FLVCR2: variants seen among roughly 807,000 people sequenced by gnomAD.
FLVCR2 encodes the protein choline/ethanolamine transporter FLVCR2.
Under a neutral mutation model 48.9 loss-of-function variants are expected in FLVCR2, and 38 were observed. The ratio of observed to expected loss-of-function variants is 0.78; its 90% CI spans 0.60 to 1.02. FLVCR2 has a LOEUF of 1.02. Ranked by LOEUF, FLVCR2 falls within the 50% of genes least tolerant of loss-of-function variation. The pLI is 0.00. For missense variants in FLVCR2, 664 were observed against 663.3 expected (o/e 1.00, Z -0.01); for synonymous variants, 255 against 257.0 (o/e 0.99, Z 0.07).
At chr14:75,608,435 C>A (rs1280621565) in intron 1 of FLVCR2, among the ~76,000 whole-genome samples, 1 of 152,156 alleles carries the variant, frequency 6.6e-6, no homozygotes, top group Non-Finnish European at 1.5e-5. Context: ...AGGAGTGGCA[C>A]GATGCAACGT....
intron 2 of FLVCR2, among the ~76,000 whole-genome samples, chr14:75,623,187 G>A (rs542802456): frequency 1.6e-4 from 24 of 152,034 alleles, no homozygotes; most frequent in Non-Finnish European, 3.2e-4. Flanking sequence ...TCACTATGTT[G>A]GCCAGGCTGG....
At chr14:75,580,412 C>T (rs1201590306) in intron 1 of FLVCR2, among the ~76,000 whole-genome samples, 1 of 152,226 alleles carries the variant, frequency 6.6e-6, no homozygotes, top group Non-Finnish European at 1.5e-5. Flanking sequence ...AGCAAACGTC[C>T]TTTAGCCAGA....
intron 1 of FLVCR2, 74 bp downstream of exon 1, chr14:75,579,715 A>G (rs1831163022): frequency 6.6e-7 from 1 of 1,518,782 alleles, no homozygotes; most frequent in South Asian, 1.1e-5. Flanking sequence ...GTGGTAGGCT[A>G]TAATTTGCTG....
At chr14:75,644,495 T>C (rs961888496) in intron 9 of FLVCR2, among the ~76,000 whole-genome samples, 5 of 152,220 alleles carry the variant, frequency 3.3e-5, no homozygotes, top group African/African-American at 9.6e-5. Flanking sequence ...GCTCAGTCTC[T>C]TTTGAGTGTG....
intron 5 of FLVCR2, among the ~76,000 whole-genome samples, chr14:75,635,846 GA>G (rs1181102912): frequency 6.6e-6 from 1 of 151,594 alleles, no homozygotes; most frequent in South Asian, 2.1e-4. Context: ...CCTGGCTCAA[GA>G]AAAAAAAGAA....
At chr14:75,636,533 C>T (rs769003075) in intron 5 of FLVCR2, among the ~76,000 whole-genome samples, 7 of 152,088 alleles carry the variant, frequency 4.6e-5, no homozygotes, top group East Asian at 3.8e-4. Context: ...CATGGGCAGC[C>T]GGATGATTCA....
chr14:75,623,247 G>A (rs181762303), intron 2 of FLVCR2, among the ~76,000 whole-genome samples: 7 of 152,294 alleles, frequency 4.6e-5, no homozygotes, highest in African/African-American at 1.7e-4. Context: ...CTCCCAAAGT[G>A]CTGGGATTAC....
chr14:75,620,935 C>G (rs190780676), intron 1 of FLVCR2, among the ~76,000 whole-genome samples: 10 of 152,194 alleles, frequency 6.6e-5, no homozygotes, highest in Non-Finnish European at 1.0e-4. Flanking sequence ...TGAGACCTTA[C>G]GACAAAGGAA....
At chr14:75,584,478 C>T (rs189014733) in intron 1 of FLVCR2, among the ~76,000 whole-genome samples, 20 of 152,218 alleles carry the variant, frequency 1.3e-4, no homozygotes, top group Admixed American at 1.3e-4. Context: ...TGCTGCCAAG[C>T]GGGCCATGAA....
At chr14:75,622,359 C>A in intron 2 of FLVCR2, 139 bp downstream of exon 2, 1 of 916,960 alleles carries the variant, frequency 1.1e-6, no homozygotes, top group Non-Finnish European at 1.8e-6. Flanking sequence ...TTCTTATGGT[C>A]TTCAAATGTT....
At chr14:75,635,930 C>A (rs1188651765) in intron 5 of FLVCR2, among the ~76,000 whole-genome samples, 2 of 152,194 alleles carry the variant, frequency 1.3e-5, no homozygotes, top group Non-Finnish European at 2.9e-5. Context: ...CAGGCCACTA[C>A]CCGCCCCATG....
chr14:75,639,898 T>C (rs1890264895), intron 6 of FLVCR2, among the ~76,000 whole-genome samples: 1 of 152,176 alleles, frequency 6.6e-6, no homozygotes, highest in South Asian at 2.1e-4. Flanking sequence ...GCCTGCCTTG[T>C]CAAGTTGTTG....
chr14:75,635,384 G>A (rs1282318979), intron 5 of FLVCR2, among the ~76,000 whole-genome samples: 4 of 152,182 alleles, frequency 2.6e-5, no homozygotes, highest in African/African-American at 9.7e-5. Context: ...AGATGAGGAG[G>A]AGGTGATTTC....
intron 1 of FLVCR2, among the ~76,000 whole-genome samples, chr14:75,597,194 T>C (rs1889043964): frequency 6.6e-6 from 1 of 151,156 alleles, no homozygotes; most frequent in South Asian, 2.1e-4. Flanking sequence ...GGTGGGAGGA[T>C]TGCTTGAGCC....
chr14:75,593,660 C>A (rs951774349), intron 1 of FLVCR2, among the ~76,000 whole-genome samples: 2 of 152,214 alleles, frequency 1.3e-5, no homozygotes, highest in African/African-American at 2.4e-5. Context: ...AAAATTTCAA[C>A]ATAAGTTTAA....
intron 1 of FLVCR2, among the ~76,000 whole-genome samples, chr14:75,614,543 GGT>G: frequency 6.6e-6 from 1 of 152,274 alleles, no homozygotes; most frequent in Admixed American, 6.5e-5. Context: ...TTGGGATAAA[GGT>G]ATAGACGAGA....
chr14:75,612,806 AACCTC>A (rs1889493937), intron 1 of FLVCR2, among the ~76,000 whole-genome samples: 1 of 152,112 alleles, frequency 6.6e-6, no homozygotes, highest in East Asian at 1.9e-4. Context: ...CCCCCTGCCA[AACCTC>A]GACTACATGT....
intron 1 of FLVCR2, among the ~76,000 whole-genome samples, chr14:75,601,559 T>C (rs1200478420): frequency 6.6e-6 from 1 of 152,106 alleles, no homozygotes; most frequent in East Asian, 1.9e-4. Context: ...TGTGAAGACA[T>C]TGGAACTCTT....
intron 4 of FLVCR2, among the ~76,000 whole-genome samples, chr14:75,634,167 G>C (rs971606585): frequency 6.6e-6 from 1 of 152,176 alleles, no homozygotes. Context: ...ATGGAATACT[G>C]AGTGGCCTGG....
Sources: gnomAD v4.1 joint callset for allele counts (sites outside exome capture counted in the v4.1 genomes callset) on GRCh38, gnomAD v4.1.1 for gene constraint, MANE v1.5 for transcripts, NCBI Gene and HGNC (gene_info 2026-07-23, HGNC 2026-07-21) for gene names.